EHBP1: variants seen among roughly 807,000 people sequenced by gnomAD.
EHBP1 encodes the protein EH domain-binding protein 1.
EHBP1 carries 55 observed loss-of-function variants against 144.0 expected under a neutral mutation model. That is an observed-to-expected ratio of 0.38 (90% CI 0.31 to 0.48). The LOEUF (loss-of-function observed/expected upper bound fraction) is 0.48, where lower values mean the gene tolerates loss of function less well. EHBP1 is among the 20% of genes least tolerant of loss of function. EHBP1 has a pLI of 0.98. For synonymous variants in EHBP1, 469 were observed against 472.7 expected (o/e 0.99, Z 0.10); for missense variants, 1,200 against 1,364.2 (o/e 0.88, Z 1.90).
chr2:62,772,193 G>A (rs528383569), intron 5 of EHBP1: 50 of 151,038 alleles, frequency 3.3e-4, no homozygotes, highest in African/African-American at 9.7e-4. Context: ...AGGAAGGGAG[G>A]GAGGGAGGGA....
intron 5 of EHBP1, among the ~76,000 whole-genome samples, chr2:62,821,403 T>G (rs1467626571): frequency 6.6e-6 from 1 of 152,136 alleles, no homozygotes; most frequent in Non-Finnish European, 1.5e-5. Context: ...AGAATATGAA[T>G]TAAAGCCTGG....
At chr2:62,843,773 A>G (rs1250145739) in intron 7 of EHBP1, among the ~76,000 whole-genome samples, 2 of 152,192 alleles carry the variant, frequency 1.3e-5, no homozygotes, top group Non-Finnish European at 2.9e-5. Flanking sequence ...TTGAAATTTA[A>G]TGCATTAATG....
chr2:62,681,246 C>G (rs2033503221), intron 1 of EHBP1, among the ~76,000 whole-genome samples: 1 of 148,388 alleles, frequency 6.7e-6, no homozygotes, highest in Admixed American at 6.8e-5. Context: ...GTGGAGGTTG[C>G]AGTGTGCTGA....
intron 2 of EHBP1, among the ~76,000 whole-genome samples, chr2:62,722,558 A>G (rs1264238704): frequency 6.6e-6 from 1 of 152,174 alleles, no homozygotes; most frequent in Non-Finnish European, 1.5e-5. Flanking sequence ...CAAGAATTCC[A>G]TTGATACCAA....
intron 14 of EHBP1, among the ~76,000 whole-genome samples, chr2:62,972,881 T>C (rs958915210): frequency 1.3e-5 from 2 of 152,188 alleles, no homozygotes; most frequent in African/African-American, 4.8e-5. Context: ...TACTTGAGAA[T>C]TGAATTACAG....
intron 1 of EHBP1, among the ~76,000 whole-genome samples, chr2:62,678,963 T>C (rs1367719383): frequency 6.6e-6 from 1 of 152,194 alleles, no homozygotes; most frequent in Non-Finnish European, 1.5e-5. Flanking sequence ...TAACTACTCT[T>C]ACTATCATTC....
intron 7 of EHBP1, among the ~76,000 whole-genome samples, chr2:62,850,762 G>C (rs1366450917): frequency 1.3e-5 from 2 of 151,910 alleles, no homozygotes; most frequent in African/African-American, 2.4e-5. Context: ...AAAAATTCCA[G>C]GAATAAATTT....
chr2:63,015,340 T>C (rs1421360112), intron 19 of EHBP1, among the ~76,000 whole-genome samples: 1 of 152,222 alleles, frequency 6.6e-6, no homozygotes, highest in Non-Finnish European at 1.5e-5. Flanking sequence ...AAGTAGAGAC[T>C]ATCTTCTAAA....
chr2:62,880,148 C>G (rs569282276), intron 10 of EHBP1, among the ~76,000 whole-genome samples: 1 of 152,262 alleles, frequency 6.6e-6, no homozygotes, highest in Non-Finnish European at 1.5e-5. Context: ...GCCAGGTTAA[C>G]TGGATAGCCA....
intron 10 of EHBP1, among the ~76,000 whole-genome samples, chr2:62,877,922 C>G (rs760435970): frequency 1.7e-4 from 26 of 152,090 alleles, no homozygotes; most frequent in Non-Finnish European, 3.2e-4. Flanking sequence ...CCTAGAGGAA[C>G]TAGGGAATCA....
At chr2:62,951,545 G>A (rs1211090018) in intron 13 of EHBP1, among the ~76,000 whole-genome samples, 25 of 139,504 alleles carry the variant, frequency 1.8e-4, no homozygotes, top group Non-Finnish European at 3.2e-4. Context: ...GGGGGGGGGG[G>A]GTGGAGTCTT....
intron 19 of EHBP1, among the ~76,000 whole-genome samples, chr2:63,014,313 G>A (rs2060394895): frequency 6.6e-6 from 1 of 152,112 alleles, no homozygotes; most frequent in South Asian, 2.1e-4. Flanking sequence ...TGCTTAAAGT[G>A]TTCTGCTTTT....
At chr2:62,727,498 C>T (rs1477018021) in intron 2 of EHBP1, among the ~76,000 whole-genome samples, 1 of 152,080 alleles carries the variant, frequency 6.6e-6, no homozygotes, top group Non-Finnish European at 1.5e-5. Flanking sequence ...CCCACTCAAC[C>T]CCCAGGTAAC....
At chr2:63,004,727 A>G (rs1416046068) in intron 19 of EHBP1, among the ~76,000 whole-genome samples, 2 of 152,028 alleles carry the variant, frequency 1.3e-5, no homozygotes, top group African/African-American at 4.8e-5. Context: ...ATATTTTCCA[A>G]TTTCTTGACA....
chr2:62,861,277 G>A (rs1001672719), intron 8 of EHBP1, among the ~76,000 whole-genome samples: 22 of 151,284 alleles, frequency 1.5e-4, no homozygotes, highest in Admixed American at 7.2e-4. Context: ...TTACAGGCGC[G>A]TGCCACCATG....
Position 62,803,585 on chromosome 2 carries a change from G to A in EHBP1, c.313-22502G>A, listed in dbSNP as rs149978619. Among the ~76,000 whole-genome samples the A allele has an allele frequency of 1.9e-4, 29 of 152,160 alleles. No individual in the cohort carries two copies. In the East Asian group the frequency reaches 5.4e-3, roughly 28 times the overall value. On this transcript the variant is annotated intron_variant, in intron 5 of 22. Coordinates refer to ENST00000431489, the MANE Select transcript of EHBP1 (RefSeq NM_001142616.3). ...TGAGCATCTTGTTATATGTTTATTA[G>A]CCATGCATGTTTTTCTGTGAATTGT...
At chr2:63,000,631 A>G (rs2059813497) in intron 19 of EHBP1, among the ~76,000 whole-genome samples, 13 of 152,136 alleles carry the variant, frequency 8.5e-5, no homozygotes, top group Admixed American at 8.5e-4. Context: ...TGGGTAGCGG[A>G]GGTTGTAGTG....
chr2:62,821,282 A>G (rs34503992), intron 5 of EHBP1, among the ~76,000 whole-genome samples: 25,459 of 152,116 alleles, frequency 0.17, 2,481 homozygotes, highest in Middle Eastern at 0.35. Flanking sequence ...CATTACATTA[A>G]TTTTACTTAT....
chr2:62,810,918 A>G (rs916471289), intron 5 of EHBP1, among the ~76,000 whole-genome samples: 1 of 152,214 alleles, frequency 6.6e-6, no homozygotes, highest in Non-Finnish European at 1.5e-5. Context: ...TTTGTAGTCA[A>G]CTGGAGGTTA....
Sources: gnomAD v4.1 joint callset for allele counts (sites outside exome capture counted in the v4.1 genomes callset) on GRCh38, gnomAD v4.1.1 for gene constraint, MANE v1.5 for transcripts, NCBI Gene and HGNC (gene_info 2026-07-23, HGNC 2026-07-21) for gene names.